INSR: variants seen among roughly 807,000 people sequenced by gnomAD.
INSR encodes the protein insulin receptor.
INSR carries 67 observed loss-of-function variants against 142.6 expected under a neutral mutation model. The observed-to-expected ratio is 0.47, with a 90% confidence interval of 0.39 to 0.58. The LOEUF is 0.58. Among genes scored for constraint, INSR ranks in the 20% least tolerant of loss-of-function variants. The pLI is 0.00. For synonymous variants in INSR, 756 were observed against 743.1 expected, an observed-to-expected ratio of 1.02 and a Z score of -0.28; for missense variants, 1,248 against 1,833.2, an observed-to-expected ratio of 0.68 and a Z score of 5.83.
intron 2 of INSR, among the ~76,000 whole-genome samples, chr19:7,204,305 T>G (rs1039079505): frequency 7.9e-5 from 12 of 152,074 alleles, no homozygotes; most frequent in Non-Finnish European, 1.3e-4. Context: ...TCCACCTGCC[T>G]CGGCCTCCCA....
chr19:7,196,297 C>T (rs1397191350), intron 2 of INSR, among the ~76,000 whole-genome samples: 9 of 152,144 alleles, frequency 5.9e-5, no homozygotes, highest in Non-Finnish European at 2.9e-5. Context: ...ATCATGCCTG[C>T]AACTAACTCT....
intron 13 of INSR, among the ~76,000 whole-genome samples, chr19:7,134,449 A>ATTT (rs11409928): frequency 6.8e-6 from 1 of 148,124 alleles, no homozygotes; most frequent in African/African-American, 2.5e-5. Context: ...CTGCCTTTCG[A>ATTT]TTTTTTTTTT....
chr19:7,164,622 A>G (rs1973845324), intron 8 of INSR, among the ~76,000 whole-genome samples: 1 of 143,092 alleles, frequency 7.0e-6, no homozygotes, highest in South Asian at 2.3e-4. Flanking sequence ...GTTCGAGACC[A>G]GCCTGACCAA....
chr19:7,256,809 A>G (rs942744743), intron 2 of INSR, among the ~76,000 whole-genome samples: 2 of 151,132 alleles, frequency 1.3e-5, no homozygotes, highest in Admixed American at 1.3e-4. Context: ...TTTTCAGTAC[A>G]GTTTTTTTTG....
chr19:7,169,054 C>G (rs1973952640), intron 6 of INSR, among the ~76,000 whole-genome samples: 1 of 142,224 alleles, frequency 7.0e-6, no homozygotes, highest in African/African-American at 2.5e-5. Flanking sequence ...GCATTCCAGC[C>G]AAAACCTGAC....
At chr19:7,135,866 G>T (rs1972909908) in intron 13 of INSR, among the ~76,000 whole-genome samples, 1 of 151,798 alleles carries the variant, frequency 6.6e-6, no homozygotes, top group African/African-American at 2.4e-5. Flanking sequence ...TACTCAAGAG[G>T]CTGAGGGAGG....
At chr19:7,169,264 C>G (rs1035924870) in intron 6 of INSR, among the ~76,000 whole-genome samples, 4 of 152,004 alleles carry the variant, frequency 2.6e-5, no homozygotes, top group Non-Finnish European at 5.9e-5. Flanking sequence ...GTCAGACACA[C>G]GCTATTGTCA....
At chr19:7,263,211 G>A (rs535096611) in intron 2 of INSR, among the ~76,000 whole-genome samples, 5 of 151,942 alleles carry the variant, frequency 3.3e-5, no homozygotes, top group African/African-American at 1.2e-4. Flanking sequence ...TCCAGGAGGC[G>A]GAGGTTGCAG....
chr19:7,207,232 A>G (rs1975128541), intron 2 of INSR, among the ~76,000 whole-genome samples: 1 of 152,030 alleles, frequency 6.6e-6, no homozygotes, highest in African/African-American at 2.4e-5. Flanking sequence ...CCTGGCCAAC[A>G]TGGTGAAACC....
At chr19:7,176,429 C>T (rs1372612197) in intron 3 of INSR, among the ~76,000 whole-genome samples, 5 of 152,072 alleles carry the variant, frequency 3.3e-5, no homozygotes, top group East Asian at 1.9e-4. Context: ...GGTGAAACCC[C>T]GTCTCTACTA....
At chr19:7,172,659 A>G (rs1974045405) in intron 4 of INSR, among the ~76,000 whole-genome samples, 1 of 152,124 alleles carries the variant, frequency 6.6e-6, no homozygotes, top group African/African-American at 2.4e-5. Flanking sequence ...TGCTCAGAAT[A>G]TTATTCCACC....
intron 12 of INSR, 66 bp from the exon 13 acceptor site, chr19:7,141,882 T>A: frequency 7.5e-7 from 1 of 1,324,862 alleles, no homozygotes. Context: ...CTGCCACCTG[T>A]CCATGGTGCA....
intron 1 of INSR, among the ~76,000 whole-genome samples, chr19:7,270,316 T>TTC (rs371690798): frequency 0.017 from 2,117 of 128,004 alleles, 45 homozygotes; most frequent in East Asian, 0.13. Context: ...TATATTTCAT[T>TTC]TCTCTCTCTC....
At chr19:7,293,537 C>T (rs1337819616) in intron 1 of INSR, among the ~76,000 whole-genome samples, 1 of 152,036 alleles carries the variant, frequency 6.6e-6, no homozygotes, top group African/African-American at 2.4e-5. Context: ...GAGCCCGCGG[C>T]GGGGCGGGCA....
chr19:7,126,160 C>T (rs924869836), intron 16 of INSR, among the ~76,000 whole-genome samples: 1 of 152,206 alleles, frequency 6.6e-6, no homozygotes, highest in Admixed American at 6.5e-5. Context: ...CAGAGTGAGG[C>T]TCAGCCTCCC....
intron 15 of INSR, among the ~76,000 whole-genome samples, chr19:7,128,213 A>G (rs1359453237): frequency 6.8e-6 from 1 of 146,816 alleles, no homozygotes; most frequent in Non-Finnish European, 1.5e-5. Flanking sequence ...GTTTTGTCCT[A>G]CTTTTTTTTT....
chr19:7,219,585 AAGAG>A (rs147108302), intron 2 of INSR, among the ~76,000 whole-genome samples: 6,928 of 112,486 alleles, frequency 0.062, 752 homozygotes, highest in African/African-American at 0.23. Context: ...GAAGGGAGGG[AAGAG>A]AGAGAGAAGG....
rs1228811563 is a variant in INSR, at chr19:7,216,590, A to T, written c.653-31953T>A. Among the ~76,000 whole-genome samples, 1 of 152,102 alleles carries T rather than the reference A, an allele frequency of 6.6e-6. No homozygotes were observed. Among genetic ancestry groups the T allele is most frequent in the East Asian group, 1.9e-4 (1 of 5,178 alleles). ...GGGGTCTGGGAAGGAACAAATTGCC[A>T]CGGTGTAATGGAGCCACTGCAGGTG... On this transcript the variant is annotated intron_variant, in intron 2 of 21. Coordinates refer to ENST00000302850, the MANE Select transcript of INSR (RefSeq NM_000208.4). This position sits in a 1 kb window ranked among gnomAD's most constrained non-coding sequence, Gnocchi z 4.2.
intron 1 of INSR, among the ~76,000 whole-genome samples, chr19:7,288,704 C>T (rs1415872200): frequency 6.7e-6 from 1 of 148,910 alleles, no homozygotes; most frequent in Non-Finnish European, 1.5e-5. Flanking sequence ...GGCTCATGCC[C>T]GTAATCCCAG....
Sources: allele counts gnomAD v4.1 joint callset (sites outside exome capture counted in the v4.1 genomes callset), GRCh38; gene constraint gnomAD v4.1.1; non-coding constraint Gnocchi (gnomAD v3.1); transcripts MANE v1.5; gene names NCBI Gene and HGNC (gene_info 2026-07-23, HGNC 2026-07-21).